The following PHEX variants were observed in gnomAD, a reference collection of about 807,000 sequenced individuals.
PHEX encodes the protein phosphate-regulating neutral endopeptidase PHEX.
A neutral mutation model predicts 68.0 loss-of-function variants in PHEX; 16 were observed. That is an observed-to-expected ratio of 0.24 (90% confidence interval 0.16 to 0.36). The LOEUF (loss-of-function observed/expected upper bound fraction) is 0.36, where lower values mean the gene tolerates loss of function less well. Among genes scored for constraint, PHEX ranks in the 10% least tolerant of loss-of-function variants. The probability of loss-of-function intolerance (pLI) is 1.00; values close to 1 mark genes in which losing one functional copy is unlikely to be tolerated. For missense variants in PHEX, 480 were observed against 575.5 expected, an observed-to-expected ratio of 0.83 and a Z score of 1.70; for synonymous variants, 208 against 205.1, an observed-to-expected ratio of 1.01 and a Z score of -0.12.
At chrX:22,238,168 TG>T (rs1397548167) in intron 20 of PHEX, among the ~76,000 whole-genome samples, 1 of 112,516 alleles carries the variant, frequency 8.9e-6, no homozygotes, top group Non-Finnish European at 1.9e-5. Flanking sequence ...GGAACAGCTC[TG>T]GTCTGCAGCT....
At chrX:22,073,134 C>A (rs1454016345) in intron 3 of PHEX, among the ~76,000 whole-genome samples, 1 of 111,516 alleles carries the variant, frequency 9.0e-6, no homozygotes, top group Non-Finnish European at 1.9e-5. Flanking sequence ...CTTTGGCCAA[C>A]AATATCCTGA....
chrX:22,227,657 G>T (rs1204677938), intron 20 of PHEX, 46 bp downstream of exon 20: 1 of 877,179 alleles, frequency 1.1e-6, no homozygotes. Context: ...TGCAGGACTT[G>T]AGTTTGCTCC....
chrX:22,249,455 A>AAAAAAAAATATAT lies in PHEX; in HGVS notation c.*1503_*1504insAAAAAAATATATA. ...TTGTGATTCTTTTAAAAAAAAAAAAAATATATATATATATATATATATATA... is the reference window on the plus strand; with the variant it reads ...TTGTGATTCTTTTAAAAAAAAAAAAAAAAAAAAATATATATATATATATATATATATATATATA... On this transcript the variant is annotated 3_prime_UTR_variant, in exon 22 of 22. Transcript: ENST00000379374. 62 of 39,748 alleles carry AAAAAAAAATATAT rather than the reference A, an allele frequency of 1.6e-3. No individual in the cohort carries two copies. Among genetic ancestry groups the AAAAAAAAATATAT allele is most frequent in the Non-Finnish European group, 2.3e-3 (56 of 24,463 alleles). The allele number at this position is 39,748 out of a possible 1,213,427, so 3.3% of individuals were successfully genotyped here.
At position 22,099,633 on chromosome X, in the gene PHEX, A is replaced by C. The variant is rs186814640; in HGVS notation, c.1079+482A>C. Among the ~76,000 whole-genome samples, 236 of 111,477 alleles carry C rather than the reference A, an allele frequency of 2.1e-3. 1 individual carries two copies. Among genetic ancestry groups the C allele is most frequent in the African/African-American group, 6.9e-3 (211 of 30,704 alleles). ...GTAGAAAAATTGCACGGATAAAACA[A>C]CTTTAGGAACTGCCAGGTTTTTCTT... On this transcript the variant is annotated intron_variant, in intron 9 of 21. Coordinates refer to ENST00000379374, the MANE Select transcript of PHEX (RefSeq NM_000444.6).
chrX:22,210,703 A>T (rs1934892833), intron 15 of PHEX, among the ~76,000 whole-genome samples: 1 of 111,607 alleles, frequency 9.0e-6, no homozygotes, highest in African/African-American at 3.3e-5. Flanking sequence ...GATTATTATG[A>T]TGTTGCCACT....
intron 3 of PHEX, among the ~76,000 whole-genome samples, chrX:22,062,961 A>G (rs1032060226): frequency 1.8e-5 from 2 of 111,056 alleles, no homozygotes; most frequent in Non-Finnish European, 3.8e-5. Flanking sequence ...GGGTTTCACC[A>G]TGTTGGACAG....
intron 15 of PHEX, 137 bp downstream of exon 15, chrX:22,190,639 C>T (rs1934169703): frequency 1.9e-6 from 1 of 535,516 alleles, no homozygotes; most frequent in Admixed American, 2.6e-5. Flanking sequence ...GGTTGTTCTC[C>T]TACCTATATG....
intron 20 of PHEX, among the ~76,000 whole-genome samples, chrX:22,232,479 T>C (rs1364410070): frequency 9.1e-6 from 1 of 110,403 alleles, no homozygotes; most frequent in Non-Finnish European, 1.9e-5. Context: ...ATATTTAGGA[T>C]AGTTAGCTCT....
Position 22,032,877 on chromosome X carries a change from C to T in PHEX, c.-129C>T, listed in dbSNP as rs963279947. On this transcript the variant is annotated 5_prime_UTR_variant, in exon 1 of 22. In the 5' UTR this introduces an upstream ATG that the reference lacks. Transcript: ENST00000379374. ...AGGGTGGCGAGGGGAGATTTCCTGA[C>T]GGCAGTTTCTTAAGCTGTCCATTAG... is the stretch of plus-strand genomic sequence containing the variant. The T allele has an allele frequency of 5.1e-5, 28 of 552,117 alleles. No individual in the cohort carries two copies. The highest frequency in any genetic ancestry group is 2.6e-4 in the Admixed American group (11 of 41,551). The allele number at this position is 552,117 out of a possible 1,213,427, so 45.5% of individuals were successfully genotyped here.
At chrX:22,170,839 A>C (rs962261799) in intron 13 of PHEX, among the ~76,000 whole-genome samples, 1 of 112,495 alleles carries the variant, frequency 8.9e-6, no homozygotes, top group African/African-American at 3.2e-5. Flanking sequence ...CTTTTGTGAA[A>C]AGAAACCAGA....
chrX:22,197,955 T>C (rs2087238675), intron 15 of PHEX, among the ~76,000 whole-genome samples: 1 of 108,418 alleles, frequency 9.2e-6, no homozygotes, highest in Non-Finnish European at 1.9e-5. Context: ...GTAGTAACCA[T>C]CCTATAGGGT....
intron 12 of PHEX, among the ~76,000 whole-genome samples, chrX:22,141,542 C>T (rs1224533704): frequency 9.1e-6 from 1 of 110,180 alleles, no homozygotes; most frequent in Non-Finnish European, 1.9e-5. Flanking sequence ...TGTTGTTAAG[C>T]CCTGTTGCTC....
intron 2 of PHEX, among the ~76,000 whole-genome samples, chrX:22,041,263 C>CTA (rs1185718846): frequency 9.2e-5 from 6 of 65,386 alleles, no homozygotes; most frequent in African/African-American, 2.9e-4. Context: ...CTCTCTCTCT[C>CTA]TCTATATATA....
rs1185806755 is a variant in PHEX at position 22,210,144 on chromosome X, G to T, written c.1646-2760G>T. 2.7e-5 allele frequency among the ~76,000 whole-genome samples: 3 copies of T among 111,507 alleles called. No individual in the cohort carries two copies. The South Asian group carries it at 1.1e-3, about 42-fold the overall frequency. ...TAGGATTCCATCTATCACTCTAGCT[G>T]GTTGACATCTCCAAAAATGCAGCTT... is the stretch of plus-strand genomic sequence containing the variant. On this transcript the variant is annotated intron_variant, in intron 15 of 21. Transcript: ENST00000379374.
At chrX:22,215,050 A>G (rs1254367189) in intron 16 of PHEX, among the ~76,000 whole-genome samples, 4 of 111,723 alleles carry the variant, frequency 3.6e-5, no homozygotes, top group Non-Finnish European at 7.5e-5. Context: ...GCTTACTGTT[A>G]ACAATTTAAC....
chrX:22,223,593 T>A (rs1047769914), intron 18 of PHEX, among the ~76,000 whole-genome samples: 2 of 111,405 alleles, frequency 1.8e-5, no homozygotes, highest in Non-Finnish European at 3.8e-5. Context: ...GAAAATTTTT[T>A]AAAAAATTAG....
intron 11 of PHEX, among the ~76,000 whole-genome samples, chrX:22,122,056 C>T (rs1485299594): frequency 3.6e-5 from 4 of 111,540 alleles, no homozygotes; most frequent in Non-Finnish European, 7.5e-5. Flanking sequence ...TTCTCCAATT[C>T]CCTCGCTCAC....
intron 21 of PHEX, 122 bp downstream of exon 21, chrX:22,245,531 G>A (rs193053808): frequency 2.9e-5 from 16 of 548,206 alleles, no homozygotes; most frequent in Non-Finnish European, 4.9e-5. Context: ...TTGTGGACGT[G>A]TGATTTCCAT....
intron 3 of PHEX, among the ~76,000 whole-genome samples, chrX:22,059,889 C>A (rs1224382509): frequency 8.9e-6 from 1 of 111,810 alleles, no homozygotes; most frequent in Non-Finnish European, 1.9e-5. Context: ...CAGTACCAAC[C>A]CTTGAACTGA....
Sources: allele counts gnomAD v4.1 joint callset (sites outside exome capture counted in the v4.1 genomes callset), GRCh38; gene constraint gnomAD v4.1.1; transcripts MANE v1.5; gene names NCBI Gene and HGNC (gene_info 2026-07-23, HGNC 2026-07-21).